The following DPP10 variants were observed in gnomAD, a reference collection of about 807,000 sequenced individuals.
DPP10 encodes dipeptidyl peptidase like 10, also known as inactive dipeptidyl peptidase 10.
A neutral mutation model predicts 120.9 loss-of-function variants in DPP10; 33 were observed. The observed-to-expected ratio is 0.27, with a 90% CI of 0.21 to 0.37. The LOEUF (loss-of-function observed/expected upper bound fraction) is 0.37, where lower values mean the gene tolerates loss of function less well. DPP10 is among the 10% of genes least tolerant of loss of function. The probability of loss-of-function intolerance (pLI) is 1.00; values close to 1 mark genes in which losing one functional copy is unlikely to be tolerated. For missense variants in DPP10, 816 were observed against 942.8 expected (o/e 0.87, Z 1.76); for synonymous variants, 337 against 326.1 (o/e 1.03, Z -0.36).
intron 1 of DPP10, among the ~76,000 whole-genome samples, chr2:115,289,273 G>C (rs996568821): frequency 3.3e-5 from 5 of 151,950 alleles, no homozygotes; most frequent in African/African-American, 1.2e-4. Flanking sequence ...ACAAAACGCT[G>C]ATGAAAGCTG....
intron 1 of DPP10, among the ~76,000 whole-genome samples, chr2:114,481,868 G>GGAGA (rs751648693): frequency 3.8e-4 from 56 of 148,942 alleles, no homozygotes; most frequent in East Asian, 1.4e-3. Flanking sequence ...TTCTTCACAA[G>GGAGA]GAGAGAGAGA....
intron 1 of DPP10, among the ~76,000 whole-genome samples, chr2:115,194,893 G>A (rs2055152311): frequency 6.6e-6 from 1 of 152,126 alleles, no homozygotes; most frequent in Admixed American, 6.5e-5. Context: ...AGAATCTCGG[G>A]TCCCCTTTGG....
At chr2:114,856,161 C>G (rs1689353380) in intron 1 of DPP10, among the ~76,000 whole-genome samples, 1 of 152,082 alleles carries the variant, frequency 6.6e-6, no homozygotes, top group South Asian at 2.1e-4. Flanking sequence ...AGGGATTTGA[C>G]TTTTTTGGTT....
chr2:115,322,341 TTC>T (rs770858989), intron 2 of DPP10, among the ~76,000 whole-genome samples: 13 of 152,232 alleles, frequency 8.5e-5, no homozygotes, highest in Non-Finnish European at 1.3e-4. Flanking sequence ...TGTTTGATTA[TTC>T]TGTTTTCCTT....
At chr2:114,483,280 G>A (rs1324991239) in intron 1 of DPP10, among the ~76,000 whole-genome samples, 7 of 151,934 alleles carry the variant, frequency 4.6e-5, no homozygotes. Flanking sequence ...GGAAGATCAA[G>A]GAGAGGTGAG....
intron 3 of DPP10, among the ~76,000 whole-genome samples, chr2:115,464,447 A>C (rs932014948): frequency 6.6e-6 from 1 of 152,018 alleles, no homozygotes; most frequent in African/African-American, 2.4e-5. Flanking sequence ...AACAAAAAAA[A>C]CAGCGGTACA....
chr2:115,736,915 C>T (rs917955900), intron 8 of DPP10, among the ~76,000 whole-genome samples: 2 of 152,162 alleles, frequency 1.3e-5, no homozygotes, highest in Non-Finnish European at 2.9e-5. Flanking sequence ...TTGCCACATC[C>T]CTGATAGGTG....
intron 1 of DPP10, among the ~76,000 whole-genome samples, chr2:114,684,781 C>A (rs1699260052): frequency 1.3e-5 from 2 of 151,996 alleles, no homozygotes; most frequent in South Asian, 4.1e-4. Context: ...GAAGACCTAC[C>A]TTCTCTTCCA....
At chr2:115,256,916 C>G (rs1574190566) in intron 1 of DPP10, among the ~76,000 whole-genome samples, 2 of 152,162 alleles carry the variant, frequency 1.3e-5, no homozygotes, top group South Asian at 2.1e-4. Flanking sequence ...AAATTTCTTC[C>G]CACAGATACT....
intron 5 of DPP10, among the ~76,000 whole-genome samples, chr2:115,648,612 TAA>T (rs771052298): frequency 3.6e-4 from 50 of 137,770 alleles, no homozygotes; most frequent in Admixed American, 3.7e-4. Flanking sequence ...CCCCGGAACT[TAA>T]AAAAAAAAAA....
At chr2:115,677,086 G>A (rs575196201) in intron 5 of DPP10, among the ~76,000 whole-genome samples, 1 of 152,036 alleles carries the variant, frequency 6.6e-6, no homozygotes, top group Admixed American at 6.5e-5. Context: ...TAACACTCAG[G>A]CAAAACTATC....
intron 1 of DPP10, among the ~76,000 whole-genome samples, chr2:114,988,031 C>G (rs1286894477): frequency 2.0e-5 from 3 of 151,948 alleles, no homozygotes; most frequent in Non-Finnish European, 2.9e-5. Flanking sequence ...GTCTCGATCT[C>G]CTGACCTCGT....
chr2:115,305,845 A>G (rs1436781626), intron 1 of DPP10, among the ~76,000 whole-genome samples: 2 of 151,990 alleles, frequency 1.3e-5, no homozygotes, highest in African/African-American at 2.4e-5. Flanking sequence ...GGATCTTTAT[A>G]CATGGTTTTA....
chr2:114,940,299 A>G (rs1443951940), intron 1 of DPP10, among the ~76,000 whole-genome samples: 2 of 152,092 alleles, frequency 1.3e-5, no homozygotes, highest in African/African-American at 2.4e-5. Flanking sequence ...GACACACAAC[A>G]CTTTGGATGG....
At chr2:115,394,272 T>G (rs2067514365) in intron 3 of DPP10, among the ~76,000 whole-genome samples, 1 of 152,128 alleles carries the variant, frequency 6.6e-6, no homozygotes, top group African/African-American at 2.4e-5. Context: ...ACAGACATTT[T>G]AAATAAGAAT....
At chr2:114,940,541 C>T (rs1417929707) in intron 1 of DPP10, among the ~76,000 whole-genome samples, 1 of 150,280 alleles carries the variant, frequency 6.7e-6, no homozygotes, top group African/African-American at 2.5e-5. Flanking sequence ...AGAATCTACA[C>T]CAGAGACCAC....
chr2:114,830,304 AC>A (rs1686981084), intron 1 of DPP10, among the ~76,000 whole-genome samples: 1 of 152,074 alleles, frequency 6.6e-6, no homozygotes, highest in African/African-American at 2.4e-5. Flanking sequence ...GATTCAGTCA[AC>A]CTGCTTTGCT....
chr2:115,173,290 C>T (rs1038479767), intron 1 of DPP10, among the ~76,000 whole-genome samples: 1 of 152,114 alleles, frequency 6.6e-6, no homozygotes, highest in Non-Finnish European at 1.5e-5. Flanking sequence ...GCTGCTTGGA[C>T]TCAGAAATGT....
intron 1 of DPP10, among the ~76,000 whole-genome samples, chr2:114,750,077 C>A (rs898805397): frequency 6.6e-6 from 1 of 151,904 alleles, no homozygotes; most frequent in African/African-American, 2.4e-5. Context: ...GTATCAAATA[C>A]TTTTTTATAT....
Sources: gnomAD v4.1 joint callset for allele counts (sites outside exome capture counted in the v4.1 genomes callset) on GRCh38, gnomAD v4.1.1 for gene constraint, MANE v1.5 for transcripts, NCBI Gene and HGNC (gene_info 2026-07-23, HGNC 2026-07-21) for gene names.